The following ENPP7 variants were observed in gnomAD, a reference collection of about 807,000 sequenced individuals.
ENPP7 encodes ectonucleotide pyrophosphatase/phosphodiesterase family member 7.
In ENPP7, 39 loss-of-function variants were observed where a neutral mutation model predicts 33.6. The observed-to-expected ratio is 1.16, with a 90% confidence interval of 0.90 to 1.52. The LOEUF (loss-of-function observed/expected upper bound fraction) is 1.52. Among genes scored for constraint, ENPP7 ranks in the 40% most tolerant of loss-of-function variants. ENPP7 has a pLI of 0.00. For missense variants in ENPP7, 594 were observed against 641.0 expected (o/e 0.93, Z 0.79); for synonymous variants, 244 against 274.3 (o/e 0.89, Z 1.09).
chr17:79,731,167 G>A lies in ENPP7; in HGVS notation c.28G>A (p.Val10Met), dbSNP rs782328327. ...GAGAGGCCCGGCCGTCCTCCTCACT[G>A]TGGCTCTGGCCACGCTCCTGGCTCC... MRGPAVLLTVALATLLAPGA... is the reference protein window; with the variant it reads MRGPAVLLTMALATLLAPGA... Residue 10 changes from valine to methionine, a missense_variant, in exon 1 of 6, where the codon GTG becomes ATG. This residue lies in a region of ENPP7 where 85 missense variants were observed against 111.3 expected (regional missense o/e 0.76). Coordinates refer to ENST00000328313, the MANE Select transcript of ENPP7 (RefSeq NM_178543.5). The A allele has an allele frequency of 7.5e-6, 12 of 1,610,326 alleles. No homozygotes were observed. The African/African-American group carries it at 1.1e-4, about 14-fold the overall frequency.
intron 1 of ENPP7, among the ~76,000 whole-genome samples, chr17:79,732,153 C>CATATATATATATATATATATATAT (rs2094287791): frequency 2.7e-5 from 2 of 73,710 alleles, no homozygotes; most frequent in Non-Finnish European, 6.1e-5. Context: ...TATATATACA[C>CATATATATATATATATATATATAT]ACACATATAT....
chr17:79,734,001 G>A (rs2094290802), intron 2 of ENPP7, among the ~76,000 whole-genome samples: 1 of 152,190 alleles, frequency 6.6e-6, no homozygotes, highest in Non-Finnish European at 1.5e-5. Context: ...GTCGGACAGG[G>A]AAGATCACTG....
At position 79,735,785 on chromosome 17, in the gene ENPP7, C is replaced by A; in HGVS notation, c.1026+116C>A. 1.0e-6 allele frequency: 1 copy of A among 953,356 alleles called. No individual in the cohort carries two copies. Among genetic ancestry groups the A allele is most frequent in the East Asian group, 2.5e-5 (1 of 39,984 alleles). 59.1% of individuals were successfully genotyped at this position (953,356 alleles called of 1,614,324 possible). On this transcript the variant is annotated intron_variant, in intron 3 of 5. Transcript: ENST00000328313. The surrounding 1 kb of genome is among the most constrained non-coding windows in gnomAD (Gnocchi z 5.5). The stretch of plus-strand genomic sequence containing the variant: ...TGTTGCCCAGGCTGGAGTGCAATGG[C>A]AGGATCTCAGCTCACTGCAGCCTTA...
chr17:79,734,757 C>T (rs1309476751), intron 2 of ENPP7, among the ~76,000 whole-genome samples: 1 of 152,176 alleles, frequency 6.6e-6, no homozygotes, highest in Non-Finnish European at 1.5e-5. Context: ...GGATTACAGG[C>T]ATGACCCACT....
chr17:79,734,956 G>T, intron 2 of ENPP7, 87 bp from the exon 3 acceptor site: 1 of 1,404,224 alleles, frequency 7.1e-7, no homozygotes. Flanking sequence ...AGAGAAGTAG[G>T]CACGTGGGGG....
chr17:79,734,789 C>T (rs1158503054), intron 2 of ENPP7, among the ~76,000 whole-genome samples: 1 of 152,170 alleles, frequency 6.6e-6, no homozygotes, highest in Non-Finnish European at 1.5e-5. Context: ...CTGGGAACAT[C>T]TTTATACTGA....
chr17:79,734,547 C>T (rs1026701360), intron 2 of ENPP7, among the ~76,000 whole-genome samples: 8 of 151,572 alleles, frequency 5.3e-5, no homozygotes, highest in Non-Finnish European at 1.0e-4. Flanking sequence ...GCGCCATCTC[C>T]GCTCACTGCA....
At chr17:79,733,879 A>G (rs920189659) in intron 2 of ENPP7, among the ~76,000 whole-genome samples, 2 of 151,956 alleles carry the variant, frequency 1.3e-5, no homozygotes, top group East Asian at 3.9e-4. Flanking sequence ...CGGCCCATGG[A>G]CACAGCCCTG....
Position 79,731,052 on chromosome 17 carries a change from A to G in ENPP7, c.-88A>G. The G allele has an allele frequency of 7.1e-7, 1 of 1,414,426 alleles. No individual in the cohort carries two copies. Among genetic ancestry groups the G allele is most frequent in the South Asian group, 1.4e-5 (1 of 71,628 alleles). 87.6% of individuals were successfully genotyped at this position (1,414,426 alleles called of 1,614,324 possible). A position where few individuals can be genotyped will look rare whatever the true frequency, so the allele number is the denominator to read the frequency against. On this transcript the variant is annotated 5_prime_UTR_variant, in exon 1 of 6. Coordinates refer to ENST00000328313, the MANE Select transcript of ENPP7 (RefSeq NM_178543.5). ...ACATTCCAAAGGCGCACGGGATGAG[A>G]TCAGCCCGGGTGACCCTGGGACTTT... is the stretch of plus-strand genomic sequence containing the variant.
At position 79,731,917 on chromosome 17, in the gene ENPP7, G is replaced by A. The variant is rs1166623012; in HGVS notation, c.253+525G>A. Among the ~76,000 whole-genome samples, 4 of 152,010 alleles carry A rather than the reference G, an allele frequency of 2.6e-5. No individual in the cohort carries two copies. In the East Asian group the frequency reaches 7.8e-4, roughly 29 times the overall value. On this transcript the variant is annotated intron_variant, in intron 1 of 5. Coordinates refer to ENST00000328313, the MANE Select transcript of ENPP7 (RefSeq NM_178543.5). ...GTTCGAGACCTGCCTGGCCAACATG[G>A]CGAAACCCCATCTCTACTAAAAATA... is the stretch of plus-strand genomic sequence containing the variant.
chr17:79,737,323 G>A lies in ENPP7; in HGVS notation c.1246+63G>A. ...TGTGTACACGTGTGCACACGAGGGT[G>A]CCTGCATGCCTGTGACCAGGACACC... On this transcript the variant is annotated intron_variant, in intron 4 of 5. Coordinates refer to ENST00000328313, the MANE Select transcript of ENPP7 (RefSeq NM_178543.5). This position sits in a 1 kb window ranked among gnomAD's most constrained non-coding sequence, Gnocchi z 5.5. The A allele has an allele frequency of 7.3e-7, 1 of 1,374,940 alleles. No individual in the cohort carries two copies. The highest frequency in any genetic ancestry group is 1.0e-6 in the Non-Finnish European group (1 of 1,002,814). The allele number at this position is 1,374,940 out of a possible 1,614,324, so 85.2% of individuals were successfully genotyped here.
Position 79,738,714 on chromosome 17 carries a change from C to T in ENPP7, c.*16+652C>T, listed in dbSNP as rs538163796. 6.1e-5 allele frequency: 9 copies of T among 147,026 alleles called. No individual in the cohort carries two copies. Among genetic ancestry groups the T allele is most frequent in the Admixed American group, 3.4e-4 (5 of 14,840 alleles). 9.1% of individuals were successfully genotyped at this position (147,026 alleles called of 1,614,324 possible). A position where few individuals can be genotyped will look rare whatever the true frequency, so the allele number is the denominator to read the frequency against. ...CTCTCTGGAAGCCCACCTCCAAGGA[C>T]ACGCATGGGGTGCGTTTGGGAGGAG... On this transcript the variant is annotated intron_variant, in intron 5 of 5. Transcript: ENST00000328313. This position sits in a 1 kb window ranked among gnomAD's most constrained non-coding sequence, Gnocchi z 6.2.
rs781997797 is a variant in ENPP7, at chr17:79,735,277, A to T, written c.634A>T (p.Arg212Trp). ...GHRYGPESPE[R>W]REMVRQVDRT... ...CAGGTACGGCCCCGAGTCCCCGGAG[A>T]GGAGGGAGATGGTGCGGCAGGTGGA... The change falls in exon 3 of 6, where the codon AGG becomes TGG. Residue 212 changes from arginine to tryptophan, a missense_variant. Transcript: ENST00000328313. This position sits in a 1 kb window ranked among gnomAD's most constrained non-coding sequence, Gnocchi z 5.5. 3 of 1,613,540 alleles carry T rather than the reference A, an allele frequency of 1.9e-6. No homozygotes were observed. In the Admixed American group the frequency reaches 5.0e-5, roughly 27 times the overall value.
chr17:79,734,457 C>G (rs921337507), intron 2 of ENPP7, among the ~76,000 whole-genome samples: 2 of 150,408 alleles, frequency 1.3e-5, no homozygotes, highest in Non-Finnish European at 2.9e-5. Flanking sequence ...AGTGATGAGG[C>G]AGACACTGCG....
In ENPP7 at chr17:79,738,740, A is replaced by G. The variant is rs1456528888; in HGVS notation, c.*16+678A>G. 6.6e-6 allele frequency: 1 copy of G among 152,008 alleles called. No individual in the cohort carries two copies. 9.4% of individuals were successfully genotyped at this position (152,008 alleles called of 1,614,324 possible). ...ACGCATGGGGTGCGTTTGGGAGGAG[A>G]GCTCCGGGGCTGTGTTCCTGGAACT... On this transcript the variant is annotated intron_variant, in intron 5 of 5. Coordinates refer to ENST00000328313, the MANE Select transcript of ENPP7 (RefSeq NM_178543.5). The surrounding 1 kb of genome is among the most constrained non-coding windows in gnomAD (Gnocchi z 6.2).
At chr17:79,733,969 C>T (rs1374513010) in intron 2 of ENPP7, among the ~76,000 whole-genome samples, 1 of 152,184 alleles carries the variant, frequency 6.6e-6, no homozygotes, top group Non-Finnish European at 1.5e-5. Context: ...CACCCTTGGG[C>T]CCTGCAGCAT....
rs1391152409 is a variant in ENPP7 at position 79,739,717 on chromosome 17, TC to T, written c.*16+1657del. On this transcript the variant is annotated intron_variant, in intron 5 of 5. Transcript: ENST00000328313. The surrounding 1 kb of genome is among the most constrained non-coding windows in gnomAD (Gnocchi z 4.4). ...CCTGGGCACAGGTTGTGCAGATGAG[TC>T]CACAGCCAGGGATGCAGTTTAGTCT... The T allele has an allele frequency of 6.6e-6, 1 of 152,132 alleles. No homozygotes were observed. The highest frequency in any genetic ancestry group is 6.5e-5 in the Admixed American group (1 of 15,278). 9.4% of individuals were successfully genotyped at this position (152,132 alleles called of 1,614,324 possible).
rs143881009 is a variant in ENPP7 at position 79,735,972 on chromosome 17, C to A, written c.1026+303C>A. Among the ~76,000 whole-genome samples the A allele has an allele frequency of 2.4e-3, 372 of 152,270 alleles. 1 individual carries two copies. The highest frequency in any genetic ancestry group is 6.2e-3 in the African/African-American group (258 of 41,548). ...TCATCCAGGCTGGAGGGTAATGGTG[C>A]CATCTTGGCTCGCTGCATCCTCCAC... On this transcript the variant is annotated intron_variant, in intron 3 of 5. Coordinates refer to ENST00000328313, the MANE Select transcript of ENPP7 (RefSeq NM_178543.5). This position sits in a 1 kb window ranked among gnomAD's most constrained non-coding sequence, Gnocchi z 5.5.
chr17:79,735,984 G>T lies in ENPP7; in HGVS notation c.1026+315G>T, dbSNP rs901805442. ...GAGGGTAATGGTGCCATCTTGGCTCGCTGCATCCTCCACCTCCTGGGTTCA... is the reference window on the plus strand; with the variant it reads ...GAGGGTAATGGTGCCATCTTGGCTCTCTGCATCCTCCACCTCCTGGGTTCA... On this transcript the variant is annotated intron_variant, in intron 3 of 5. Transcript: ENST00000328313. The surrounding 1 kb of genome is among the most constrained non-coding windows in gnomAD (Gnocchi z 5.5). Among the ~76,000 whole-genome samples, 1 of 152,040 alleles carries T rather than the reference G, an allele frequency of 6.6e-6. No individual in the cohort carries two copies. Among genetic ancestry groups the T allele is most frequent in the African/African-American group, 2.4e-5 (1 of 41,386 alleles).
Sources: gnomAD v4.1 joint callset for allele counts (sites outside exome capture counted in the v4.1 genomes callset) on GRCh38, gnomAD v4.1.1 for gene constraint, gnomAD v4.1.1 regional missense constraint, Gnocchi (gnomAD v3.1) non-coding constraint, MANE v1.5 for transcripts, NCBI Gene and HGNC (gene_info 2026-07-23, HGNC 2026-07-21) for gene names.